The following FSTL5 variants were observed in gnomAD, a reference collection of about 807,000 sequenced individuals.
FSTL5 encodes the protein follistatin-related protein 5.
In FSTL5, 62 loss-of-function variants were observed where a neutral mutation model predicts 89.1. The observed-to-expected ratio is 0.70, with a 90% confidence interval of 0.57 to 0.86. The LOEUF is 0.86. Ranked by LOEUF, FSTL5 falls within the 40% of genes least tolerant of loss-of-function variation. FSTL5 has a pLI of 0.00. For missense variants in FSTL5, 1,057 were observed against 1,001.6 expected (o/e 1.06, Z -0.75); for synonymous variants, 383 against 346.2 (o/e 1.11, Z -1.18).
intron 4 of FSTL5, among the ~76,000 whole-genome samples, chr4:161,818,290 C>T (rs1713172847): frequency 1.3e-5 from 2 of 152,162 alleles, no homozygotes; most frequent in African/African-American, 4.8e-5. Context: ...CCTTCCGGCT[C>T]CCCCACCTGC....
At chr4:161,405,907 C>A (rs1424199216) in intron 15 of FSTL5, among the ~76,000 whole-genome samples, 1 of 152,138 alleles carries the variant, frequency 6.6e-6, no homozygotes, top group Non-Finnish European at 1.5e-5. Flanking sequence ...AAAGATCTGT[C>A]AACCAAGAAT....
At chr4:161,386,513 C>T in intron 15 of FSTL5, 64 bp from the exon 16 acceptor site, 2 of 1,160,490 alleles carry the variant, frequency 1.7e-6, no homozygotes, top group African/African-American at 1.6e-5. Flanking sequence ...AAGAAAAAAA[C>T]TAGATACAGG....
chr4:161,563,058 C>T (rs1732663472), intron 8 of FSTL5, among the ~76,000 whole-genome samples: 1 of 151,996 alleles, frequency 6.6e-6, no homozygotes, highest in Admixed American at 6.6e-5. Context: ...TACAAGGTCA[C>T]ATGGTGGCTG....
chr4:161,995,198 T>A (rs1373120672), intron 3 of FSTL5, among the ~76,000 whole-genome samples: 1 of 152,196 alleles, frequency 6.6e-6, no homozygotes, highest in Admixed American at 6.5e-5. Context: ...TAAAAAATGA[T>A]AATGTTAATA....
At chr4:161,921,039 G>A (rs928178493) in intron 3 of FSTL5, among the ~76,000 whole-genome samples, 1 of 152,008 alleles carries the variant, frequency 6.6e-6, no homozygotes, top group African/African-American at 2.4e-5. Flanking sequence ...ATAATAGTAT[G>A]GACCATCTCT....
chr4:162,024,193 G>A (rs181532203), intron 3 of FSTL5, among the ~76,000 whole-genome samples: 17 of 152,138 alleles, frequency 1.1e-4, no homozygotes, highest in East Asian at 7.7e-4. Flanking sequence ...GAAGTTTTTC[G>A]CAAATATACT....
intron 15 of FSTL5, among the ~76,000 whole-genome samples, chr4:161,391,061 G>A (rs1730807187): frequency 6.6e-6 from 1 of 152,152 alleles, no homozygotes; most frequent in Non-Finnish European, 1.5e-5. Context: ...GTGTATTTGA[G>A]GAATGGGTTA....
At position 162,004,896 on chromosome 4, in the gene FSTL5, C is replaced by G. The variant is rs564711533; in HGVS notation, c.160+28729G>C. Among the ~76,000 whole-genome samples, 6 of 152,206 alleles carry G rather than the reference C, an allele frequency of 3.9e-5. No homozygotes were observed. In the East Asian group the frequency reaches 1.2e-3, roughly 29 times the overall value. The stretch of plus-strand genomic sequence containing the variant: ...TTTCCATACCAACCTCCCAACTGTC[C>G]CCATGATTTTGTTCCTGCCCCATCC... On this transcript the variant is annotated intron_variant, in intron 3 of 15. Transcript: ENST00000306100.
chr4:161,740,731 T>C lies in FSTL5; in HGVS notation c.727+18680A>G, dbSNP rs545495543. On this transcript the variant is annotated intron_variant, in intron 6 of 15. Coordinates refer to ENST00000306100, the MANE Select transcript of FSTL5 (RefSeq NM_020116.5). ...AATTCAGTGATTGATTGTTGTTTCA[T>C]TCATAAAATAGGTATTTGGATCATA... 2.6e-5 allele frequency among the ~76,000 whole-genome samples: 4 copies of C among 152,344 alleles called. No homozygotes were observed. The South Asian group carries it at 8.3e-4, about 32-fold the overall frequency.
intron 3 of FSTL5, among the ~76,000 whole-genome samples, chr4:162,002,200 T>G (rs903464377): frequency 3.9e-5 from 6 of 152,188 alleles, no homozygotes; most frequent in African/African-American, 1.2e-4. Flanking sequence ...ATGCTTTGTT[T>G]CATAGCTACA....
At chr4:161,430,874 A>G (rs757412076) in intron 15 of FSTL5, among the ~76,000 whole-genome samples, 4 of 152,214 alleles carry the variant, frequency 2.6e-5, no homozygotes, top group Non-Finnish European at 5.9e-5. Context: ...TTTTCAGTGG[A>G]AACCTTATTG....
rs573992853 is a variant in FSTL5 at position 162,014,624 on chromosome 4, A to T, written c.160+19001T>A. Reference sequence around the variant, plus strand: ...AGGCAGATGGGCTGATGGTAGACTGAGTCCATGCTGTGGTTCTCCTGGGTG... The same window carrying T: ...AGGCAGATGGGCTGATGGTAGACTGTGTCCATGCTGTGGTTCTCCTGGGTG... On this transcript the variant is annotated intron_variant, in intron 3 of 15. Transcript: ENST00000306100. 5.9e-5 allele frequency among the ~76,000 whole-genome samples: 9 copies of T among 152,352 alleles called. No homozygotes were observed. In the South Asian group the frequency reaches 1.9e-3, roughly 32 times the overall value.
chr4:161,995,882 C>T (rs1354987946), intron 3 of FSTL5, among the ~76,000 whole-genome samples: 1 of 151,552 alleles, frequency 6.6e-6, no homozygotes, highest in East Asian at 1.9e-4. Context: ...CTCTTCAGAT[C>T]ACCCATCAGA....
At chr4:161,637,475 T>C (rs1385098356) in intron 7 of FSTL5, among the ~76,000 whole-genome samples, 10 of 151,746 alleles carry the variant, frequency 6.6e-5, no homozygotes, top group East Asian at 2.0e-4. Flanking sequence ...TAATGAGATC[T>C]CATTTGTCAA....
chr4:161,943,370 T>C (rs575759390), intron 3 of FSTL5, among the ~76,000 whole-genome samples: 22 of 151,780 alleles, frequency 1.4e-4, no homozygotes, highest in African/African-American at 4.8e-4. Context: ...TGGCTATTTT[T>C]GTAGTTTTAA....
chr4:161,591,054 TA>T (rs1733802863), intron 7 of FSTL5, among the ~76,000 whole-genome samples: 1 of 152,168 alleles, frequency 6.6e-6, no homozygotes, highest in South Asian at 2.1e-4. Context: ...AATGGATAAA[TA>T]AAATGTACTA....
intron 3 of FSTL5, among the ~76,000 whole-genome samples, chr4:161,998,366 T>C (rs1361471406): frequency 1.3e-5 from 2 of 152,138 alleles, no homozygotes; most frequent in Non-Finnish European, 2.9e-5. Flanking sequence ...ATAGTACCCC[T>C]ATCTCTCAGT....
chr4:161,758,936 CAT>C (rs1223895423), intron 6 of FSTL5, among the ~76,000 whole-genome samples: 1 of 152,188 alleles, frequency 6.6e-6, no homozygotes, highest in South Asian at 2.1e-4. Context: ...GCAATTCAAA[CAT>C]GTATCAATTT....
At chr4:161,928,229 G>T (rs1465948912) in intron 3 of FSTL5, among the ~76,000 whole-genome samples, 1 of 151,692 alleles carries the variant, frequency 6.6e-6, no homozygotes, top group East Asian at 1.9e-4. Context: ...GTCCATGTTT[G>T]GCTTCCTAGC....
Sources: allele counts gnomAD v4.1 joint callset (sites outside exome capture counted in the v4.1 genomes callset), GRCh38; gene constraint gnomAD v4.1.1; transcripts MANE v1.5; gene names NCBI Gene and HGNC (gene_info 2026-07-23, HGNC 2026-07-21).